The following PRLR variants were observed in gnomAD, a reference collection of about 807,000 sequenced individuals.
The protein encoded by PRLR is prolactin receptor, also known as hPRL receptor.
Under a neutral mutation model 40.2 loss-of-function variants are expected in PRLR, and 13 were observed. That is an observed-to-expected ratio of 0.32 (90% CI 0.21 to 0.51). The LOEUF (loss-of-function observed/expected upper bound fraction) is 0.51. PRLR is among the 20% of genes least tolerant of loss of function. PRLR has a pLI of 0.97. For synonymous variants in PRLR, 269 were observed against 278.7 expected (o/e 0.97, Z 0.35); for missense variants, 656 against 747.3 (o/e 0.88, Z 1.42).
At chr5:35,157,165 T>A (rs781463468) in intron 1 of PRLR, among the ~76,000 whole-genome samples, 106 of 152,102 alleles carry the variant, frequency 7.0e-4, no homozygotes, top group Non-Finnish European at 7.9e-4. Flanking sequence ...AACACGAGGC[T>A]ATTCTTTTCC....
intron 1 of PRLR, among the ~76,000 whole-genome samples, chr5:35,181,125 T>G (rs1459645110): frequency 6.6e-6 from 1 of 152,210 alleles, no homozygotes; most frequent in East Asian, 1.9e-4. Context: ...AAATGGAAAT[T>G]TGTCCTCATA....
intron 5 of PRLR, 25 bp downstream of exon 5, chr5:35,084,445 C>T: frequency 4.6e-6 from 7 of 1,529,686 alleles, no homozygotes; most frequent in Non-Finnish European, 6.1e-6. Context: ...GTAAGAAATT[C>T]CTCACCCACT....
chr5:35,169,348 T>C (rs185076173), intron 1 of PRLR, among the ~76,000 whole-genome samples: 34 of 152,322 alleles, frequency 2.2e-4, no homozygotes, highest in African/African-American at 6.5e-4. Flanking sequence ...TTCAGGCTTA[T>C]AAATATCTGG....
intron 1 of PRLR, among the ~76,000 whole-genome samples, chr5:35,211,799 T>C (rs1776175163): frequency 6.6e-6 from 1 of 152,254 alleles, no homozygotes; most frequent in Admixed American, 6.5e-5. Flanking sequence ...TATAATATGA[T>C]ACCAGATTCA....
intron 1 of PRLR, among the ~76,000 whole-genome samples, chr5:35,161,651 G>T (rs1034965518): frequency 6.6e-6 from 1 of 152,204 alleles, no homozygotes; most frequent in Non-Finnish European, 1.5e-5. Flanking sequence ...AAAAGGAGAT[G>T]CATTAATCTG....
At chr5:35,169,829 A>ATC (rs1774947516) in intron 1 of PRLR, among the ~76,000 whole-genome samples, 1 of 152,158 alleles carries the variant, frequency 6.6e-6, no homozygotes, top group South Asian at 2.1e-4. Flanking sequence ...TTCTATATAG[A>ATC]TCTCTCTAGG....
chr5:35,134,819 C>T (rs977504143), intron 1 of PRLR, among the ~76,000 whole-genome samples: 8 of 152,196 alleles, frequency 5.3e-5, no homozygotes, highest in African/African-American at 1.4e-4. Context: ...TTAAAAACTA[C>T]GGCTGTTTGG....
Position 35,209,325 on chromosome 5 carries a change from A to T in PRLR, c.-106+20943T>A, listed in dbSNP as rs998008316. Among the ~76,000 whole-genome samples, 3 of 152,226 alleles carry T rather than the reference A, an allele frequency of 2.0e-5. No homozygotes were observed. The East Asian group carries it at 5.8e-4, about 29-fold the overall frequency. ...AGCTGGCATTTATATTCTTATGTAA[A>T]GTTACTTTCTTCCATCTCTTTAATG... On this transcript the variant is annotated intron_variant, in intron 1 of 9. Coordinates refer to ENST00000618457, the MANE Select transcript of PRLR (RefSeq NM_000949.7).
intron 2 of PRLR, among the ~76,000 whole-genome samples, chr5:35,101,099 A>G (rs1325833233): frequency 6.6e-6 from 1 of 152,164 alleles, no homozygotes; most frequent in African/African-American, 2.4e-5. Flanking sequence ...CGCCTGACCC[A>G]CTGCCATTGT....
intron 1 of PRLR, among the ~76,000 whole-genome samples, chr5:35,203,372 C>T (rs1775929928): frequency 6.6e-6 from 1 of 152,096 alleles, no homozygotes; most frequent in African/African-American, 2.4e-5. Flanking sequence ...CTCAGCAGAA[C>T]ATTGTGTTGA....
At chr5:35,224,724 G>A (rs1159205389) in intron 1 of PRLR, among the ~76,000 whole-genome samples, 1 of 75,002 alleles carries the variant, frequency 1.3e-5, no homozygotes, top group Admixed American at 1.2e-4. Context: ...GAGAAAGTTG[G>A]GGGAAAAAAA....
In PRLR at chr5:35,067,043, G is replaced by A. The variant is rs187263694; in HGVS notation, c.856-941C>T. On this transcript the variant is annotated intron_variant, in intron 9 of 9. Transcript: ENST00000618457. ...CTTCCAAAGTGCTGGGATTACAGGC[G>A]TGAGCCACCGCGCCCGGCCTCTTTT... Among the ~76,000 whole-genome samples the A allele has an allele frequency of 2.5e-3, 380 of 152,172 alleles. 2 individuals are homozygous for A. The highest frequency in any genetic ancestry group is 8.5e-3 in the African/African-American group (352 of 41,538).
At chr5:35,216,399 G>A (rs139063955) in intron 1 of PRLR, among the ~76,000 whole-genome samples, 1 of 152,174 alleles carries the variant, frequency 6.6e-6, no homozygotes, top group African/African-American at 2.4e-5. Flanking sequence ...GTGGGAGGGG[G>A]ACAAGAAAAG....
At chr5:35,229,129 A>AT (rs1776627223) in intron 1 of PRLR, among the ~76,000 whole-genome samples, 1 of 147,442 alleles carries the variant, frequency 6.8e-6, no homozygotes, top group Non-Finnish European at 1.5e-5. Flanking sequence ...ATATATTTCT[A>AT]TAATATATAT....
chr5:35,140,942 T>G (rs1017057898), intron 1 of PRLR, among the ~76,000 whole-genome samples: 12 of 152,156 alleles, frequency 7.9e-5, no homozygotes, highest in African/African-American at 2.9e-4. Context: ...CAGCCTCCCC[T>G]CCTACATCTA....
chr5:35,062,065 T>G lies in PRLR; in HGVS notation c.*3024A>C, dbSNP rs1459730350. 1 of 152,196 alleles carries G rather than the reference T, an allele frequency of 6.6e-6. No individual in the cohort carries two copies. The highest frequency in any genetic ancestry group is 6.5e-5 in the Admixed American group (1 of 15,284). The allele number at this position is 152,196 out of a possible 1,614,324, so 9.4% of individuals were successfully genotyped here. ...GAATATGATTCTGTACACATTTCAC[T>G]TATAAAATACTTGTGCAATATATTA... is the stretch of plus-strand genomic sequence containing the variant. On this transcript the variant is annotated 3_prime_UTR_variant, in exon 10 of 10. Transcript: ENST00000618457.
chr5:35,202,902 T>A (rs1775917750), intron 1 of PRLR, among the ~76,000 whole-genome samples: 2 of 152,210 alleles, frequency 1.3e-5, no homozygotes, highest in Admixed American at 1.3e-4. Context: ...AATTACTTGA[T>A]GTGTCCCTGA....
At chr5:35,190,317 A>G (rs1021589541) in intron 1 of PRLR, among the ~76,000 whole-genome samples, 4 of 152,244 alleles carry the variant, frequency 2.6e-5, no homozygotes, top group African/African-American at 9.6e-5. Context: ...TACTAAAAAT[A>G]ATTCTGGCTG....
downstream of PRLR, among the ~76,000 whole-genome samples, chr5:35,055,307 T>C (rs901719438): frequency 1.3e-5 from 2 of 152,182 alleles, no homozygotes; most frequent in Non-Finnish European, 2.9e-5. Flanking sequence ...CTTTTGATTG[T>C]TCTTTGTTGT....
Sources: gnomAD v4.1 joint callset for allele counts (sites outside exome capture counted in the v4.1 genomes callset) on GRCh38, gnomAD v4.1.1 for gene constraint, MANE v1.5 for transcripts, NCBI Gene and HGNC (gene_info 2026-07-23, HGNC 2026-07-21) for gene names.